The following RABEP1 variants were observed in gnomAD, a reference collection of about 807,000 sequenced individuals.
RABEP1 encodes rabaptin, RAB GTPase binding effector protein 1, also known as rab GTPase-binding effector protein 1.
A neutral mutation model predicts 123.4 loss-of-function variants in RABEP1; 51 were observed. That is an observed-to-expected ratio of 0.41 (90% CI 0.33 to 0.52). RABEP1 has a LOEUF of 0.52. RABEP1 is among the 20% of genes least tolerant of loss of function. The probability of loss-of-function intolerance (pLI) is 0.16; values close to 1 mark genes in which losing one functional copy is unlikely to be tolerated. For missense variants in RABEP1, 888 were observed against 996.3 expected, an observed-to-expected ratio of 0.89 and a Z score of 1.46; for synonymous variants, 347 against 355.2, an observed-to-expected ratio of 0.98 and a Z score of 0.26.
intron 11 of RABEP1, among the ~76,000 whole-genome samples, chr17:5,367,534 G>T (rs1310199164): frequency 6.6e-6 from 1 of 151,702 alleles, no homozygotes; most frequent in Non-Finnish European, 1.5e-5. Context: ...CTCCCAAAGT[G>T]CTAGGATTAC....
intron 2 of RABEP1, among the ~76,000 whole-genome samples, chr17:5,318,442 A>G (rs1035361292): frequency 6.6e-6 from 1 of 152,196 alleles, no homozygotes; most frequent in Non-Finnish European, 1.5e-5. Context: ...AAGATTACTA[A>G]CGAGAAATTA....
intron 2 of RABEP1, 141 bp downstream of exon 2, chr17:5,308,963 C>A: frequency 1.1e-6 from 1 of 920,056 alleles, no homozygotes; most frequent in Non-Finnish European, 1.5e-6. Flanking sequence ...TGTTTAAAGG[C>A]TAGGTTAAGA....
chr17:5,319,749 A>G (rs1022237848), intron 2 of RABEP1, among the ~76,000 whole-genome samples: 1 of 152,140 alleles, frequency 6.6e-6, no homozygotes, highest in African/African-American at 2.4e-5. Context: ...CTCAACTGGA[A>G]AATTCATCAG....
Position 5,386,050 on chromosome 17 carries a change from T to C in RABEP1, c.*2827T>C. 1.7e-6 allele frequency: 1 copy of C among 576,932 alleles called. No individual in the cohort carries two copies. Among genetic ancestry groups the C allele is most frequent in the Non-Finnish European group, 3.0e-6 (1 of 328,264 alleles). The allele number at this position is 576,932 out of a possible 1,614,324, so 35.7% of individuals were successfully genotyped here. On this transcript the variant is annotated 3_prime_UTR_variant, in exon 18 of 18. Coordinates refer to ENST00000537505, the MANE Select transcript of RABEP1 (RefSeq NM_004703.6). ...ATTCCAAATTTTAAATAAAAGCATT[T>C]ACTCAATTATTATAAAACAACATAT...
intron 2 of RABEP1, among the ~76,000 whole-genome samples, chr17:5,315,236 C>A (rs61101127): frequency 0.017 from 2,533 of 152,206 alleles, 59 homozygotes; most frequent in African/African-American, 0.058. Context: ...TAACAAAACC[C>A]ATTAGTAATA....
intron 13 of RABEP1, among the ~76,000 whole-genome samples, chr17:5,376,336 GA>G (rs953482197): frequency 2.0e-5 from 3 of 150,848 alleles, no homozygotes; most frequent in African/African-American, 7.3e-5. Context: ...TCAAGAAAAA[GA>G]AAAAAAAAGT....
chr17:5,386,259 T>C lies in RABEP1; in HGVS notation c.*3036T>C, dbSNP rs769109819. ...TTGATTTGCTTCACCATTTCCCTTA[T>C]ATGTTCACCCCTGTAAAATTGTAAA... On this transcript the variant is annotated 3_prime_UTR_variant, in exon 18 of 18. Transcript: ENST00000537505. 1.2e-6 allele frequency: 2 copies of C among 1,611,778 alleles called. No homozygotes were observed. The highest frequency in any genetic ancestry group is 8.5e-7 in the Non-Finnish European group (1 of 1,178,992).
chr17:5,322,705 C>G (rs1381296427), intron 2 of RABEP1, among the ~76,000 whole-genome samples: 1 of 152,080 alleles, frequency 6.6e-6, no homozygotes, highest in Non-Finnish European at 1.5e-5. Flanking sequence ...GTAGATTACT[C>G]CTGAGGAGGC....
intron 2 of RABEP1, among the ~76,000 whole-genome samples, chr17:5,315,783 C>T (rs1279315093): frequency 2.0e-5 from 3 of 152,000 alleles, no homozygotes; most frequent in East Asian, 1.9e-4. Context: ...ACCTAGGAGG[C>T]GGAGGTTGCA....
chr17:5,367,493 A>T (rs761035092), intron 11 of RABEP1, among the ~76,000 whole-genome samples: 20 of 151,242 alleles, frequency 1.3e-4, no homozygotes, highest in Admixed American at 4.0e-4. Flanking sequence ...CTGGTCTCGA[A>T]CTCCTGACTT....
chr17:5,362,300 T>C (rs550390009), intron 9 of RABEP1, among the ~76,000 whole-genome samples: 1 of 152,216 alleles, frequency 6.6e-6, no homozygotes, highest in East Asian at 1.9e-4. Flanking sequence ...AAGTGGGGCA[T>C]GGTTATCTCC....
chr17:5,338,555 C>T (rs112421661), intron 5 of RABEP1, among the ~76,000 whole-genome samples: 20,716 of 151,928 alleles, frequency 0.14, 1,470 homozygotes, highest in East Asian at 0.18. Context: ...GCAACAGGAG[C>T]GAAATTCTGT....
rs1189911113 is a variant in RABEP1, at chr17:5,361,552, A to G, written c.1440A>G (p.Thr480=). The G allele has an allele frequency of 5.0e-6, 8 of 1,614,094 alleles. No individual in the cohort carries two copies. Among genetic ancestry groups the G allele is most frequent in the African/African-American group, 1.3e-5 (1 of 74,934 alleles). The change falls in exon 9 of 18, where the codon ACA becomes ACG. Residue 480 remains threonine, a synonymous_variant. Coordinates refer to ENST00000537505, the MANE Select transcript of RABEP1 (RefSeq NM_004703.6). ...KDQERAIKAM[T]PEQEETASLL... is the part of the protein sequence containing the mutation. ...AGGAAAGAGCAATCAAGGCGATGAC[A>G]CCAGAACAAGAAGAGACAGCGTCCC...
At chr17:5,293,157 C>T (rs897550354) in intron 1 of RABEP1, among the ~76,000 whole-genome samples, 1 of 151,924 alleles carries the variant, frequency 6.6e-6, no homozygotes, top group Non-Finnish European at 1.5e-5. Context: ...TGTGGTGGTG[C>T]GTGCCTGTAA....
intron 2 of RABEP1, among the ~76,000 whole-genome samples, chr17:5,329,818 CATA>C (rs1173157668): frequency 7.0e-6 from 1 of 143,092 alleles, no homozygotes; most frequent in African/African-American, 2.5e-5. Flanking sequence ...TATATATGTT[CATA>C]TATATATATA....
At chr17:5,330,084 A>ATTAT (rs1208448533) in intron 2 of RABEP1, among the ~76,000 whole-genome samples, 6 of 152,154 alleles carry the variant, frequency 3.9e-5, no homozygotes, top group Admixed American at 3.9e-4. Flanking sequence ...AAATGAATAA[A>ATTAT]GTATCCCAGA....
intron 2 of RABEP1, among the ~76,000 whole-genome samples, chr17:5,330,346 TGA>T (rs1331525217): frequency 6.6e-6 from 1 of 152,196 alleles, no homozygotes; most frequent in Non-Finnish European, 1.5e-5. Context: ...AAACTGATGT[TGA>T]GAGAGTAAAG....
intron 11 of RABEP1, among the ~76,000 whole-genome samples, chr17:5,366,149 C>T (rs772082009): frequency 2.0e-5 from 3 of 152,104 alleles, no homozygotes; most frequent in Non-Finnish European, 2.9e-5. Flanking sequence ...GGAAAAATGT[C>T]ATTTTGTTAT....
At chr17:5,363,513 C>G (rs531186353) in intron 10 of RABEP1, among the ~76,000 whole-genome samples, 1 of 152,090 alleles carries the variant, frequency 6.6e-6, no homozygotes, top group Non-Finnish European at 1.5e-5. Context: ...CCACCGCGCT[C>G]GGCCAGGACT....
Sources: gnomAD v4.1 joint callset for allele counts (sites outside exome capture counted in the v4.1 genomes callset) on GRCh38, gnomAD v4.1.1 for gene constraint, MANE v1.5 for transcripts, NCBI Gene and HGNC (gene_info 2026-07-23, HGNC 2026-07-21) for gene names.